The following CDC5L variants were observed in gnomAD, a reference collection of about 807,000 sequenced individuals.
CDC5L encodes the protein cell division cycle 5-like protein.
CDC5L carries 18 observed loss-of-function variants against 104.1 expected under a neutral mutation model. The observed-to-expected ratio is 0.17, with a 90% CI of 0.12 to 0.26. The LOEUF is 0.26. CDC5L is among the 10% of genes least tolerant of loss of function. CDC5L has a pLI of 1.00. For missense variants in CDC5L, 673 were observed against 956.9 expected, an observed-to-expected ratio of 0.70 and a Z score of 3.91; for synonymous variants, 331 against 322.7, an observed-to-expected ratio of 1.03 and a Z score of -0.28.
rs111990866 is a variant in CDC5L at position 44,393,593 on chromosome 6, A to C, written c.439+20A>C. 4.8e-3 allele frequency: 7,681 copies of C among 1,602,248 alleles called. 31 individuals carry two copies. The highest frequency in any genetic ancestry group is 5.7e-3 in the Non-Finnish European group (6,715 of 1,174,866). On this transcript the variant is annotated intron_variant, in intron 4 of 15. Transcript: ENST00000371477. ...ATGAGGGTAAGTGTATGCTTTGAGG[A>C]ATTTATTTCTTTGGTAACTGTAAAC...
chr6:44,392,931 T>C (rs1281961995), intron 3 of CDC5L, 103 bp downstream of exon 3: 5 of 1,040,438 alleles, frequency 4.8e-6, no homozygotes, highest in Non-Finnish European at 4.2e-6. Flanking sequence ...ATTATGGATG[T>C]GAGTAAACCC....
At chr6:44,392,189 G>A (rs1288165037) in intron 2 of CDC5L, among the ~76,000 whole-genome samples, 2 of 152,198 alleles carry the variant, frequency 1.3e-5, no homozygotes. Context: ...GAATGTCATA[G>A]TAGTTTTACT....
chr6:44,416,064 TAG>T (rs1161839603), intron 8 of CDC5L, among the ~76,000 whole-genome samples: 1 of 152,212 alleles, frequency 6.6e-6, no homozygotes, highest in East Asian at 1.9e-4. Context: ...TGTGTGTAGC[TAG>T]GGGTAAGAGG....
intron 8 of CDC5L, among the ~76,000 whole-genome samples, chr6:44,410,312 G>C (rs535634908): frequency 6.6e-6 from 1 of 152,228 alleles, no homozygotes; most frequent in Admixed American, 6.5e-5. Flanking sequence ...GTAAAATCAT[G>C]GGGAATTTGT....
rs1790391502 is a variant in CDC5L at position 44,387,742 on chromosome 6, G to T, written c.-82G>T. ...AAGGTCGCGCTTGGAGGAAGTGGCG[G>T]CTTTGAGTCCGGTGGCCCAATCGCT... is the stretch of plus-strand genomic sequence containing the variant. On this transcript the variant is annotated 5_prime_UTR_variant, in exon 1 of 16. Transcript: ENST00000371477. 1 of 1,268,148 alleles carries T rather than the reference G, an allele frequency of 7.9e-7. No individual in the cohort carries two copies. Among genetic ancestry groups the T allele is most frequent in the South Asian group, 1.3e-5 (1 of 78,096 alleles). 78.6% of individuals were successfully genotyped at this position (1,268,148 alleles called of 1,614,324 possible).
chr6:44,401,885 A>G (rs1244911521), intron 5 of CDC5L, among the ~76,000 whole-genome samples: 2 of 138,998 alleles, frequency 1.4e-5, no homozygotes, highest in Admixed American at 7.4e-5. Flanking sequence ...GTTCCCACCT[A>G]TGAGTGAGAA....
chr6:44,412,714 A>G (rs1239135966), intron 8 of CDC5L, among the ~76,000 whole-genome samples: 1 of 151,114 alleles, frequency 6.6e-6, no homozygotes, highest in Non-Finnish European at 1.5e-5. Flanking sequence ...TTCTTACAGA[A>G]TTCACCCATT....
intron 8 of CDC5L, among the ~76,000 whole-genome samples, chr6:44,410,714 A>C (rs1561972105): frequency 6.6e-6 from 1 of 151,970 alleles, no homozygotes; most frequent in African/African-American, 2.4e-5. Context: ...ATTATCTTAC[A>C]TGATTTATGA....
intron 13 of CDC5L, among the ~76,000 whole-genome samples, chr6:44,428,435 C>A (rs956925014): frequency 6.6e-6 from 1 of 152,142 alleles, no homozygotes; most frequent in Non-Finnish European, 1.5e-5. Flanking sequence ...CCCAGTTTTT[C>A]ATAAGCCATG....
intron 14 of CDC5L, among the ~76,000 whole-genome samples, chr6:44,436,561 G>A (rs1792948507): frequency 6.6e-6 from 1 of 152,096 alleles, no homozygotes; most frequent in Non-Finnish European, 1.5e-5. Flanking sequence ...TGAGAAAGTA[G>A]CCTTTAGAGT....
At chr6:44,444,728 T>C (rs1050592741) in intron 14 of CDC5L, among the ~76,000 whole-genome samples, 1 of 152,206 alleles carries the variant, frequency 6.6e-6, no homozygotes, top group African/African-American at 2.4e-5. Context: ...CCTCCTTGTT[T>C]TTTTGATCTA....
intron 1 of CDC5L, among the ~76,000 whole-genome samples, chr6:44,388,192 A>G (rs1167925688): frequency 1.7e-5 from 2 of 119,006 alleles, no homozygotes; most frequent in African/African-American, 6.5e-5. Context: ...CAGAGTTCCA[A>G]CTCAGCCAGA....
At chr6:44,433,823 AT>A (rs774277745) in intron 14 of CDC5L, among the ~76,000 whole-genome samples, 29 of 152,290 alleles carry the variant, frequency 1.9e-4, no homozygotes, top group Non-Finnish European at 3.4e-4. Context: ...AGTAGATCTC[AT>A]TTTCTCAGTG....
At chr6:44,432,469 A>G (rs1342007665) in intron 14 of CDC5L, among the ~76,000 whole-genome samples, 3 of 152,076 alleles carry the variant, frequency 2.0e-5, no homozygotes, top group Non-Finnish European at 4.4e-5. Context: ...ATCACTGCCT[A>G]TCAAGCAAGA....
Position 44,429,713 on chromosome 6 carries a change from GC to G in CDC5L, c.1897del (p.Gln633ArgfsTer15). ...EKFSKEELKK[A>X]QDVLVQEMEV... ...TTATTGAAATTATTATTGTAAACAG[GC>G]CCAGGATGTTTTGGTGCAGGAGATG... is the stretch of plus-strand genomic sequence containing the variant. On this transcript the variant is annotated frameshift_variant and splice_region_variant, in exon 14 of 16. Transcript: ENST00000371477. LOFTEE classifies it high-confidence loss of function. The G allele has an allele frequency of 6.2e-7, 1 of 1,612,990 alleles. No individual in the cohort carries two copies. The highest frequency in any genetic ancestry group is 8.5e-7 in the Non-Finnish European group (1 of 1,179,028).
intron 8 of CDC5L, 69 bp downstream of exon 8, chr6:44,408,701 A>G: frequency 4.2e-6 from 5 of 1,179,112 alleles, no homozygotes; most frequent in South Asian, 1.9e-5. Flanking sequence ...ATGCAGGAGA[A>G]CTAAGCGGTT....
At chr6:44,406,614 A>C in intron 7 of CDC5L, 147 bp downstream of exon 7, 1 of 756,588 alleles carries the variant, frequency 1.3e-6, no homozygotes, top group East Asian at 2.6e-5. Flanking sequence ...ACATAAAAAC[A>C]AGTAATTGTG....
At chr6:44,415,483 A>G (rs1029524313) in intron 8 of CDC5L, among the ~76,000 whole-genome samples, 3 of 152,168 alleles carry the variant, frequency 2.0e-5, no homozygotes, top group African/African-American at 7.2e-5. Context: ...AGATAAATCA[A>G]ACTGGGGCTT....
intron 13 of CDC5L, among the ~76,000 whole-genome samples, chr6:44,428,805 T>C (rs1447441692): frequency 5.3e-5 from 8 of 152,186 alleles, no homozygotes; most frequent in Admixed American, 5.2e-4. Context: ...TATCTGGCAA[T>C]GTCAGGGCAT....
Sources: gnomAD v4.1 joint callset for allele counts (sites outside exome capture counted in the v4.1 genomes callset) on GRCh38, gnomAD v4.1.1 for gene constraint, MANE v1.5 for transcripts, NCBI Gene and HGNC (gene_info 2026-07-23, HGNC 2026-07-21) for gene names.